Variants in KIAA0825 observed in about 807,000 individuals in gnomAD.
KIAA0825 encodes the protein KIAA0825.
A neutral mutation model predicts 147.6 loss-of-function variants in KIAA0825; 119 were observed. The ratio of observed to expected loss-of-function variants is 0.81; its 90% CI spans 0.69 to 0.94. KIAA0825 has a LOEUF of 0.94. Among genes scored for constraint, KIAA0825 ranks in the 40% least tolerant of loss-of-function variants. The pLI is 0.00. For missense variants in KIAA0825, 1,381 were observed against 1,472.7 expected, an observed-to-expected ratio of 0.94 and a Z score of 1.02; for synonymous variants, 470 against 518.1, an observed-to-expected ratio of 0.91 and a Z score of 1.26.
chr5:94,278,319 C>A (rs1260678701), intron 20 of KIAA0825, among the ~76,000 whole-genome samples: 1 of 152,052 alleles, frequency 6.6e-6, no homozygotes, highest in Non-Finnish European at 1.5e-5. Context: ...TTGCCTCTAG[C>A]AATCAATTTT....
chr5:94,332,472 G>A (rs575353900), intron 20 of KIAA0825, among the ~76,000 whole-genome samples: 14 of 152,186 alleles, frequency 9.2e-5, no homozygotes, highest in South Asian at 4.2e-4. Context: ...GAGAAAATGC[G>A]GTGTTTGGTT....
rs1411159542 is a variant in KIAA0825, at chr5:94,396,266, C to A, written c.3131G>T (p.Ser1044Ile). The change falls in exon 17 of 21, where the codon AGT becomes ATT. Residue 1044 changes from serine to isoleucine, a missense_variant. By Grantham distance (142) the Ser-to-Ile change is moderately radical. Transcript: ENST00000682413. ...ACAAATTAAACCCAATTTTTCTTTA[C>A]TCCATCTGTCAAGAGAGGCACCTGT... ...LLTGASLDRW[S>I]KEKLGLICMC... 5 of 1,551,348 alleles carry A rather than the reference C, an allele frequency of 3.2e-6. No homozygotes were observed. The highest frequency in any genetic ancestry group is 4.4e-6 in the Non-Finnish European group (5 of 1,146,842).
intron 20 of KIAA0825, among the ~76,000 whole-genome samples, chr5:94,250,163 G>A (rs542559934): frequency 2.6e-4 from 40 of 152,052 alleles, no homozygotes; most frequent in African/African-American, 8.4e-4. Context: ...ACCCTCATTC[G>A]GCTGTGATTA....
intron 20 of KIAA0825, among the ~76,000 whole-genome samples, chr5:94,154,922 T>C (rs1264979513): frequency 5.3e-5 from 8 of 152,180 alleles, no homozygotes; most frequent in Non-Finnish European, 7.3e-5. Flanking sequence ...TCTCCTATCC[T>C]CACTCTTATT....
intron 12 of KIAA0825, among the ~76,000 whole-genome samples, chr5:94,455,271 T>C (rs1270093403): frequency 6.6e-6 from 1 of 151,644 alleles, no homozygotes. Flanking sequence ...TAAAGAAACA[T>C]TCAAGCAAAA....
At chr5:94,577,003 T>C (rs1477788266) in intron 2 of KIAA0825, among the ~76,000 whole-genome samples, 1 of 152,250 alleles carries the variant, frequency 6.6e-6, no homozygotes, top group African/African-American at 2.4e-5. Flanking sequence ...TGTACACACA[T>C]ATCTCAAAAG....
intron 20 of KIAA0825, among the ~76,000 whole-genome samples, chr5:94,259,511 A>G (rs1776393213): frequency 6.6e-6 from 1 of 152,026 alleles, no homozygotes; most frequent in African/African-American, 2.4e-5. Context: ...GAGACTTAAC[A>G]TGCTTGCCTG....
intron 20 of KIAA0825, among the ~76,000 whole-genome samples, chr5:94,231,730 C>T (rs1305194315): frequency 1.3e-5 from 2 of 152,080 alleles, no homozygotes; most frequent in Non-Finnish European, 2.9e-5. Context: ...TAATGTTTAT[C>T]ATGACATTAT....
chr5:94,411,279 T>G (rs1041712807), intron 15 of KIAA0825, among the ~76,000 whole-genome samples: 5 of 151,692 alleles, frequency 3.3e-5, no homozygotes, highest in African/African-American at 4.8e-5. Flanking sequence ...AGGGCCAAAA[T>G]AGAGGGAAAA....
chr5:94,612,779 G>A (rs984636339), intron 1 of KIAA0825, among the ~76,000 whole-genome samples: 5 of 152,278 alleles, frequency 3.3e-5, no homozygotes, highest in Admixed American at 2.6e-4. Flanking sequence ...TCACACAACT[G>A]TGACAGAGTT....
chr5:94,176,460 A>AC (rs1769115543), intron 20 of KIAA0825, among the ~76,000 whole-genome samples: 2 of 152,160 alleles, frequency 1.3e-5, no homozygotes, highest in Admixed American at 1.3e-4. Context: ...AGGTGGAGAC[A>AC]CCCCCATCAG....
chr5:94,520,618 CAA>C lies in KIAA0825; in HGVS notation c.598_599del (p.Leu200ValfsTer18), dbSNP rs777150384. On this transcript the variant is annotated frameshift_variant, in exon 5 of 21. Coordinates refer to ENST00000682413, the MANE Select transcript of KIAA0825 (RefSeq NM_001145678.3). LOFTEE classifies it high-confidence loss of function. ...TAACTTCTGATTCTGGATAAAGAAA[CAA>C]GAGTTGTTGTAAGCACTGCTTTTTC... is the stretch of plus-strand genomic sequence containing the variant. ...LLKKQCLQQL[L>X]FLYPESEVII... 2 of 1,613,272 alleles carry C rather than the reference CAA, an allele frequency of 1.2e-6. No individual in the cohort carries two copies. Among genetic ancestry groups the C allele is most frequent in the Non-Finnish European group, 1.7e-6 (2 of 1,179,476 alleles).
intron 2 of KIAA0825, among the ~76,000 whole-genome samples, chr5:94,563,126 G>C (rs1777850287): frequency 6.6e-6 from 1 of 151,906 alleles, no homozygotes. Flanking sequence ...TGTATCACAA[G>C]GTCAGGAGAT....
chr5:94,547,697 A>G (rs1774695845), intron 2 of KIAA0825, among the ~76,000 whole-genome samples: 1 of 144,954 alleles, frequency 6.9e-6, no homozygotes, highest in African/African-American at 2.6e-5. Flanking sequence ...AGATTGAGCC[A>G]GTGCACTCCA....
chr5:94,286,749 C>T (rs1290805622), intron 20 of KIAA0825, among the ~76,000 whole-genome samples: 1 of 152,122 alleles, frequency 6.6e-6, no homozygotes, highest in East Asian at 1.9e-4. Flanking sequence ...AAGGGTCTTG[C>T]TTCATCACCC....
intron 20 of KIAA0825, among the ~76,000 whole-genome samples, chr5:94,184,143 G>A (rs1172014561): frequency 6.6e-6 from 1 of 152,176 alleles, no homozygotes; most frequent in Non-Finnish European, 1.5e-5. Context: ...AGAACTGCAT[G>A]CTGTGGAGAA....
At chr5:94,408,518 T>A (rs1481231614) in intron 15 of KIAA0825, among the ~76,000 whole-genome samples, 1 of 42,164 alleles carries the variant, frequency 2.4e-5, no homozygotes, top group Non-Finnish European at 5.3e-5. Context: ...AGCTAATTTG[T>A]GTGTGTGTGT....
At chr5:94,407,277 T>A (rs1398727504) in intron 15 of KIAA0825, among the ~76,000 whole-genome samples, 1 of 152,188 alleles carries the variant, frequency 6.6e-6, no homozygotes, top group African/African-American at 2.4e-5. Context: ...AAGGCAGAGT[T>A]GCAAACTGTG....
chr5:94,306,506 C>T (rs1215351079), intron 20 of KIAA0825, among the ~76,000 whole-genome samples: 1 of 151,798 alleles, frequency 6.6e-6, no homozygotes, highest in Non-Finnish European at 1.5e-5. Context: ...CACATTAGAA[C>T]TTTTGATGAA....
Sources: allele counts gnomAD v4.1 joint callset (sites outside exome capture counted in the v4.1 genomes callset), GRCh38; gene constraint gnomAD v4.1.1; transcripts MANE v1.5; gene names NCBI Gene and HGNC (gene_info 2026-07-23, HGNC 2026-07-21).